ARFGEF2: variants seen among roughly 807,000 people sequenced by gnomAD.
The protein encoded by ARFGEF2 is ARF guanine nucleotide exchange factor 2.
ARFGEF2 carries 74 observed loss-of-function variants against 219.9 expected under a neutral mutation model. The ratio of observed to expected loss-of-function variants is 0.34; its 90% CI spans 0.28 to 0.41. ARFGEF2 has a LOEUF of 0.41. Ranked by LOEUF, ARFGEF2 falls within the 10% of genes least tolerant of loss-of-function variation. The probability of loss-of-function intolerance (pLI) is 1.00; values close to 1 mark genes in which losing one functional copy is unlikely to be tolerated. For missense variants in ARFGEF2, 1,743 were observed against 2,218.3 expected (o/e 0.79, Z 4.30); for synonymous variants, 733 against 799.2 (o/e 0.92, Z 1.40).
intron 11 of ARFGEF2, 101 bp from the exon 12 acceptor site, chr20:48,973,044 T>G: frequency 7.4e-7 from 1 of 1,352,822 alleles, no homozygotes; most frequent in African/African-American, 1.4e-5. Context: ...CACCGGAGTC[T>G]GTAGTTCACT....
Position 49,035,795 on chromosome 20 carries a change from T to G in ARFGEF2, c.*2596T>G. On this transcript the variant is annotated 3_prime_UTR_variant, in exon 39 of 39. Transcript: ENST00000371917. ...CAATTTTGTTTCTCTTCATTGTCTGTTAGGGAAATCACCAGCTTTGGCATC... is the reference window on the plus strand; with the variant it reads ...CAATTTTGTTTCTCTTCATTGTCTGGTAGGGAAATCACCAGCTTTGGCATC... 5.8e-6 allele frequency: 1 copy of G among 173,238 alleles called. No homozygotes were observed. The allele number at this position is 173,238 out of a possible 1,614,324, so 10.7% of individuals were successfully genotyped here.
intron 1 of ARFGEF2, among the ~76,000 whole-genome samples, chr20:48,924,854 T>G (rs2123259419): frequency 6.6e-6 from 1 of 152,310 alleles, no homozygotes; most frequent in East Asian, 1.9e-4. Flanking sequence ...GTTACTTCCT[T>G]ATAGGATTAT....
chr20:48,966,101 A>G, intron 8 of ARFGEF2, 78 bp downstream of exon 8: 1 of 1,568,794 alleles, frequency 6.4e-7, no homozygotes, highest in South Asian at 1.1e-5. Context: ...TCTTTCCTCA[A>G]AAGAAGCAAC....
chr20:49,003,515 G>T (rs1272616657), intron 25 of ARFGEF2, among the ~76,000 whole-genome samples: 3 of 151,960 alleles, frequency 2.0e-5, no homozygotes, highest in Non-Finnish European at 4.4e-5. Context: ...TGAGGCAGGA[G>T]AATTGCTTGA....
At chr20:48,929,220 G>T (rs2090898206) in intron 1 of ARFGEF2, among the ~76,000 whole-genome samples, 1 of 152,202 alleles carries the variant, frequency 6.6e-6, no homozygotes, top group South Asian at 2.1e-4. Context: ...GCTCATTTCT[G>T]TTTAGTGCCT....
At chr20:48,946,493 A>ATT (rs1222776570) in intron 3 of ARFGEF2, among the ~76,000 whole-genome samples, 40 of 146,064 alleles carry the variant, frequency 2.7e-4, no homozygotes, top group East Asian at 1.4e-3. Context: ...ATATATATAT[A>ATT]TATTTTTATT....
At chr20:48,943,731 T>TA (rs1321729078) in intron 3 of ARFGEF2, among the ~76,000 whole-genome samples, 1 of 152,180 alleles carries the variant, frequency 6.6e-6, no homozygotes, top group African/African-American at 2.4e-5. Context: ...CCACCACACC[T>TA]GGCTCAAAGA....
intron 3 of ARFGEF2, among the ~76,000 whole-genome samples, chr20:48,943,244 C>T (rs1348209880): frequency 6.6e-6 from 1 of 152,156 alleles, no homozygotes; most frequent in Non-Finnish European, 1.5e-5. Flanking sequence ...TTTTTTACTG[C>T]TCTGTGCATG....
chr20:48,993,292 G>A (rs1220430964), intron 21 of ARFGEF2, among the ~76,000 whole-genome samples: 1 of 152,166 alleles, frequency 6.6e-6, no homozygotes, highest in Non-Finnish European at 1.5e-5. Flanking sequence ...AATCAGCTTG[G>A]AACTAATAAG....
chr20:48,962,116 G>A (rs1334514593), intron 6 of ARFGEF2, among the ~76,000 whole-genome samples: 1 of 152,196 alleles, frequency 6.6e-6, no homozygotes, highest in African/African-American at 2.4e-5. Context: ...GGAGGCGGAG[G>A]CTGTAGTGAG....
intron 1 of ARFGEF2, among the ~76,000 whole-genome samples, chr20:48,929,655 A>G (rs536698484): frequency 1.3e-5 from 2 of 152,352 alleles, no homozygotes; most frequent in African/African-American, 4.8e-5. Flanking sequence ...TCACTCATTC[A>G]TTGAGAATTA....
rs1326305342 is a variant in ARFGEF2, at chr20:48,994,502, G to T, written c.3025G>T (p.Val1009Leu). The change falls in exon 22 of 39, where the codon GTG (valine) becomes TTG (leucine). Residue 1009 changes from valine to leucine, a missense_variant. This residue lies in a region of ARFGEF2 where 666 missense variants were observed against 955.4 expected (regional missense o/e 0.70). Transcript: ENST00000371917. ...LELAQLIGTGVKTRYLSGSGR... is the reference protein window; with the variant it reads ...LELAQLIGTGLKTRYLSGSGR... ...GCTCGCTCAGCTGATAGGAACCGGTGTGAAGACGCGCTACCTGTCTGGATC... is the reference window on the plus strand; with the variant it reads ...GCTCGCTCAGCTGATAGGAACCGGTTTGAAGACGCGCTACCTGTCTGGATC... 1 of 1,614,132 alleles carries T rather than the reference G, an allele frequency of 6.2e-7. No homozygotes were observed. The highest frequency in any genetic ancestry group is 2.2e-5 in the East Asian group (1 of 44,872).
intron 25 of ARFGEF2, among the ~76,000 whole-genome samples, chr20:49,001,943 T>C (rs955177399): frequency 6.6e-6 from 1 of 152,216 alleles, no homozygotes; most frequent in Non-Finnish European, 1.5e-5. Flanking sequence ...TTTTAAGAAA[T>C]TGTAATAAAA....
chr20:48,995,457 A>G (rs80214299), intron 22 of ARFGEF2, among the ~76,000 whole-genome samples: 14 of 152,316 alleles, frequency 9.2e-5, no homozygotes, highest in African/African-American at 3.4e-4. Flanking sequence ...TGAGCCATTA[A>G]TGTTCTAGGA....
Position 48,985,456 on chromosome 20 carries a change from G to A in ARFGEF2, c.2119G>A (p.Val707Met). ...AGATAGCGCAAGGTTCAACAAGGAG[G>A]TGATGTATGCCTACGTGGACCAACT... Reference protein sequence around the residue: ...LGDSARFNKEVMYAYVDQLDF... With the variant: ...LGDSARFNKEMMYAYVDQLDF... The change falls in exon 16 of 39, where the codon GTG becomes ATG. Residue 707 changes from valine to methionine, a missense_variant. Val to Met is a conservative substitution (Grantham distance 21, BLOSUM62 1). Around this residue, in one of 5 missense-constraint regions of ARFGEF2, gnomAD observed 666 missense variants for 955.4 expected, o/e 0.70. Transcript: ENST00000371917. 6.2e-7 allele frequency: 1 copy of A among 1,614,234 alleles called. No individual in the cohort carries two copies.
At chr20:48,986,572 C>G (rs911123340) in intron 16 of ARFGEF2, among the ~76,000 whole-genome samples, 1 of 152,072 alleles carries the variant, frequency 6.6e-6, no homozygotes, top group African/African-American at 2.4e-5. Flanking sequence ...CGAGACCACA[C>G]CACTGCACAC....
At chr20:48,985,729 GT>G in intron 16 of ARFGEF2, 116 bp downstream of exon 16, 1 of 1,125,636 alleles carries the variant, frequency 8.9e-7, no homozygotes, top group Non-Finnish European at 1.3e-6. Context: ...TGAAGCTTTT[GT>G]TTACCGTGTG....
chr20:48,997,265 T>TATGTATTG (rs2091397256), intron 23 of ARFGEF2, among the ~76,000 whole-genome samples: 1 of 150,830 alleles, frequency 6.6e-6, no homozygotes. Context: ...ATATCTTATG[T>TATGTATTG]ATTGATTGAT....
At chr20:48,941,306 G>A in intron 2 of ARFGEF2, 77 bp downstream of exon 2, 1 of 1,472,074 alleles carries the variant, frequency 6.8e-7, no homozygotes, top group Non-Finnish European at 9.4e-7. Context: ...CTCTTTCTCT[G>A]CTTGGTTTCT....
Sources: allele counts gnomAD v4.1 joint callset (sites outside exome capture counted in the v4.1 genomes callset), GRCh38; gene constraint gnomAD v4.1.1; regional missense constraint gnomAD v4.1.1; transcripts MANE v1.5; gene names NCBI Gene and HGNC (gene_info 2026-07-23, HGNC 2026-07-21).